The following TMEM87B variants were observed in gnomAD, a reference collection of about 807,000 sequenced individuals.
TMEM87B encodes transmembrane protein 87B.
In TMEM87B, 83 loss-of-function variants were observed where a neutral mutation model predicts 80.3. The ratio of observed to expected loss-of-function variants is 1.03; its 90% CI spans 0.87 to 1.24. TMEM87B has a LOEUF of 1.24. TMEM87B is among the 50% of genes most tolerant of loss of function. TMEM87B has a pLI of 0.00. For missense variants in TMEM87B, 625 were observed against 674.4 expected (o/e 0.93, Z 0.81); for synonymous variants, 219 against 230.5 (o/e 0.95, Z 0.45).
chr2:112,084,289 A>C (rs1404735294), intron 8 of TMEM87B, among the ~76,000 whole-genome samples: 1 of 152,076 alleles, frequency 6.6e-6, no homozygotes, highest in Non-Finnish European at 1.5e-5. Context: ...TACATTCTGC[A>C]CTCTTTCGGA....
intron 8 of TMEM87B, among the ~76,000 whole-genome samples, chr2:112,083,659 G>A (rs1679064488): frequency 6.6e-6 from 1 of 152,190 alleles, no homozygotes; most frequent in Non-Finnish European, 1.5e-5. Flanking sequence ...GCTGTGTAGA[G>A]GCTTCCAGGT....
intron 1 of TMEM87B, 94 bp downstream of exon 1, chr2:112,055,850 C>T: frequency 7.3e-7 from 1 of 1,375,594 alleles, no homozygotes; most frequent in Non-Finnish European, 9.5e-7. Flanking sequence ...CACCCTGCCT[C>T]TGCCGGGTCA....
chr2:112,068,399 G>A (rs1210612593), intron 4 of TMEM87B, among the ~76,000 whole-genome samples: 1 of 152,140 alleles, frequency 6.6e-6, no homozygotes, highest in Non-Finnish European at 1.5e-5. Flanking sequence ...ACACATCAGT[G>A]TACTCCTCAA....
chr2:112,111,851 T>G (rs1282533246), intron 17 of TMEM87B, among the ~76,000 whole-genome samples: 1 of 152,228 alleles, frequency 6.6e-6, no homozygotes, highest in Non-Finnish European at 1.5e-5. Context: ...CTTATCTCCC[T>G]CTTTAATGCA....
At chr2:112,089,053 G>T (rs1375184431) in intron 9 of TMEM87B, among the ~76,000 whole-genome samples, 1 of 152,110 alleles carries the variant, frequency 6.6e-6, no homozygotes, top group Non-Finnish European at 1.5e-5. Flanking sequence ...GAGCCACTGC[G>T]CCTCGCCCAA....
chr2:112,094,221 G>A (rs1679390041), intron 11 of TMEM87B, among the ~76,000 whole-genome samples: 1 of 150,390 alleles, frequency 6.6e-6, no homozygotes, highest in Non-Finnish European at 1.5e-5. Context: ...GAGTGCAGTG[G>A]CGTGATCTCA....
At chr2:112,095,028 G>A (rs1196409456) in intron 11 of TMEM87B, among the ~76,000 whole-genome samples, 1 of 151,354 alleles carries the variant, frequency 6.6e-6, no homozygotes, top group Non-Finnish European at 1.5e-5. Flanking sequence ...AATCCTCTAA[G>A]AATCTAATTC....
chr2:112,094,117 C>A (rs922731840), intron 11 of TMEM87B, among the ~76,000 whole-genome samples: 26 of 148,778 alleles, frequency 1.7e-4, no homozygotes, highest in African/African-American at 6.4e-4. Flanking sequence ...AATAAACTAT[C>A]TTTTCTGGTA....
chr2:112,055,667 C>A lies in TMEM87B; in HGVS notation c.76C>A (p.Leu26Met). 1 of 1,585,232 alleles carries A rather than the reference C, an allele frequency of 6.3e-7. No homozygotes were observed. The highest frequency in any genetic ancestry group is 8.6e-7 in the Non-Finnish European group (1 of 1,168,774). Residue 26 changes from leucine to methionine, a missense_variant, in exon 1 of 19, where the codon CTG (leucine) becomes ATG (methionine). Leu to Met is a conservative substitution (Grantham distance 15). Transcript: ENST00000283206. ...RRCFPARAPL[L>M]RVALCLLCWT... Reference sequence around the variant, plus strand: ...CTGCTTTCCCGCCCGGGCCCCGCTGCTGCGCGTCGCCCTCTGCCTCCTGTG... The same window carrying A: ...CTGCTTTCCCGCCCGGGCCCCGCTGATGCGCGTCGCCCTCTGCCTCCTGTG...
chr2:112,102,943 T>C (rs994063801), intron 15 of TMEM87B, among the ~76,000 whole-genome samples: 1 of 152,144 alleles, frequency 6.6e-6, no homozygotes. Context: ...TGGGAGGTCC[T>C]ACCTAGTGCA....
In TMEM87B at chr2:112,069,052, C is replaced by T. The variant is rs574841801; in HGVS notation, c.450+1985C>T. 1.6e-4 allele frequency among the ~76,000 whole-genome samples: 24 copies of T among 151,356 alleles called. No homozygotes were observed. The South Asian group carries it at 3.6e-3, about 22-fold the overall frequency. On this transcript the variant is annotated intron_variant, in intron 4 of 18. Transcript: ENST00000283206. ...CTAAAAATACAAAAAATTAGCCGGG[C>T]GCGGTGGCGGGCGCCTGTAGTCCCA...
chr2:112,102,622 A>G (rs1177423263), intron 15 of TMEM87B, among the ~76,000 whole-genome samples: 1 of 152,120 alleles, frequency 6.6e-6, no homozygotes, highest in African/African-American at 2.4e-5. Flanking sequence ...TGAACCCAGG[A>G]GGCAGAGTTT....
At chr2:112,112,258 T>C (rs1430439841) in intron 17 of TMEM87B, among the ~76,000 whole-genome samples, 2 of 152,268 alleles carry the variant, frequency 1.3e-5, no homozygotes, top group Non-Finnish European at 2.9e-5. Flanking sequence ...TCGTCTTTTC[T>C]TTATATCTAT....
intron 11 of TMEM87B, among the ~76,000 whole-genome samples, chr2:112,096,013 C>T (rs1485551802): frequency 1.3e-5 from 2 of 152,022 alleles, no homozygotes; most frequent in African/African-American, 2.4e-5. Flanking sequence ...AGACACCCCC[C>T]TCCAAACCCC....
chr2:112,082,900 C>T (rs1169067094), intron 8 of TMEM87B, among the ~76,000 whole-genome samples: 5 of 152,124 alleles, frequency 3.3e-5, no homozygotes. Flanking sequence ...CTGCCATCCT[C>T]AGGGAATCTA....
At chr2:112,098,504 A>G in intron 13 of TMEM87B, 91 bp from the exon 14 acceptor site, 1 of 1,170,788 alleles carries the variant, frequency 8.5e-7, no homozygotes, top group Admixed American at 2.0e-5. Context: ...GAAAGATTTC[A>G]TTAGTACTTG....
At chr2:112,072,399 A>G (rs1285277725) in intron 4 of TMEM87B, among the ~76,000 whole-genome samples, 3 of 152,160 alleles carry the variant, frequency 2.0e-5, no homozygotes, top group Non-Finnish European at 2.9e-5. Context: ...CTGTGAATCC[A>G]TCTGGTCTTC....
chr2:112,088,020 C>T (rs758656198), intron 9 of TMEM87B, among the ~76,000 whole-genome samples: 4 of 152,200 alleles, frequency 2.6e-5, no homozygotes, highest in African/African-American at 4.8e-5. Flanking sequence ...TCCTGAGCTC[C>T]GGCCCCCGGG....
intron 15 of TMEM87B, among the ~76,000 whole-genome samples, chr2:112,103,888 A>G (rs1679696504): frequency 6.6e-6 from 1 of 152,250 alleles, no homozygotes; most frequent in Non-Finnish European, 1.5e-5. Context: ...TGGTATTGGC[A>G]TAAGGATAGA....
Sources: allele counts gnomAD v4.1 joint callset (sites outside exome capture counted in the v4.1 genomes callset), GRCh38; gene constraint gnomAD v4.1.1; transcripts MANE v1.5; gene names NCBI Gene and HGNC (gene_info 2026-07-23, HGNC 2026-07-21).